The following RBMS1 variants were observed in gnomAD, a reference collection of about 807,000 sequenced individuals.
RBMS1 encodes the protein RNA-binding motif, single-stranded-interacting protein 1.
A neutral mutation model predicts 62.3 loss-of-function variants in RBMS1; 17 were observed. That is an observed-to-expected ratio of 0.27 (90% CI 0.19 to 0.41). RBMS1 has a LOEUF of 0.41. RBMS1 is among the 10% of genes least tolerant of loss of function. RBMS1 has a pLI of 1.00. For missense variants in RBMS1, 334 were observed against 504.5 expected, an observed-to-expected ratio of 0.66 and a Z score of 3.24; for synonymous variants, 172 against 170.0, an observed-to-expected ratio of 1.01 and a Z score of -0.09.
At chr2:160,397,848 T>C (rs1315047043) in intron 1 of RBMS1, among the ~76,000 whole-genome samples, 3 of 152,238 alleles carry the variant, frequency 2.0e-5, no homozygotes, top group Non-Finnish European at 4.4e-5. Context: ...TTTGTTCTCC[T>C]TGGCTTCTGT....
intron 1 of RBMS1, among the ~76,000 whole-genome samples, chr2:160,367,878 G>A (rs953169873): frequency 4.6e-5 from 7 of 152,156 alleles, no homozygotes; most frequent in African/African-American, 7.2e-5. Context: ...CAATAAGGAC[G>A]ATCTCACCTA....
At chr2:160,307,686 T>C (rs879432748) in intron 4 of RBMS1, among the ~76,000 whole-genome samples, 1 of 152,240 alleles carries the variant, frequency 6.6e-6, no homozygotes, top group Admixed American at 6.5e-5. Context: ...TTTTAAACTG[T>C]CCCTTTCTTA....
rs73000635 is a variant in RBMS1 at position 160,327,148 on chromosome 2, G to A, written c.252-8921C>T. ...TCACATTTTTTCAAGAGAAGATACAGACATCTACATACCTGATTTTTCATA... is the reference window on the plus strand; with the variant it reads ...TCACATTTTTTCAAGAGAAGATACAAACATCTACATACCTGATTTTTCATA... On this transcript the variant is annotated intron_variant, in intron 2 of 13. Coordinates refer to ENST00000348849, the MANE Select transcript of RBMS1 (RefSeq NM_016836.4). Among the ~76,000 whole-genome samples the A allele has an allele frequency of 4.4e-3, 671 of 152,284 alleles. 2 individuals carry two copies. The highest frequency in any genetic ancestry group is 0.016 in the African/African-American group (644 of 41,546).
At position 160,407,347 on chromosome 2, in the gene RBMS1, G is replaced by A. The variant is rs113052146; in HGVS notation, c.76-39956C>T. ...AGCAGTCCCCGCGGCCGCCTTCCTGGGAAACAAGGTCACCGCCCAGCCGGT... is the reference window on the plus strand; with the variant it reads ...AGCAGTCCCCGCGGCCGCCTTCCTGAGAAACAAGGTCACCGCCCAGCCGGT... On this transcript the variant is annotated intron_variant, in intron 1 of 13. Coordinates refer to ENST00000348849, the MANE Select transcript of RBMS1 (RefSeq NM_016836.4). The A allele has an allele frequency of 7.7e-3, 7,611 of 985,480 alleles. 378 individuals carry two copies. The African/African-American group carries it at 0.11, about 15-fold the overall frequency. 61.0% of individuals were successfully genotyped at this position (985,480 alleles called of 1,614,324 possible).
intron 1 of RBMS1, among the ~76,000 whole-genome samples, chr2:160,368,338 G>A (rs1277809025): frequency 6.6e-6 from 1 of 152,134 alleles, no homozygotes; most frequent in Non-Finnish European, 1.5e-5. Context: ...ACTAACTCAA[G>A]GACATCACTC....
chr2:160,379,009 C>A (rs1466659998), intron 1 of RBMS1, among the ~76,000 whole-genome samples: 3 of 152,150 alleles, frequency 2.0e-5, no homozygotes, highest in African/African-American at 7.2e-5. Flanking sequence ...TGTTTGAGAT[C>A]AGGAGTTCAA....
chr2:160,394,453 A>T (rs1695030792), intron 1 of RBMS1, among the ~76,000 whole-genome samples: 1 of 152,252 alleles, frequency 6.6e-6, no homozygotes, highest in Non-Finnish European at 1.5e-5. Context: ...TTTAGAGGAC[A>T]AAAGAATATT....
intron 1 of RBMS1, among the ~76,000 whole-genome samples, chr2:160,482,748 G>T (rs983047522): frequency 2.0e-5 from 3 of 152,096 alleles, no homozygotes; most frequent in South Asian, 4.1e-4. Flanking sequence ...AAACAAAAAT[G>T]ACCCATTTGC....
intron 1 of RBMS1, 29 bp downstream of exon 1, chr2:160,493,260 G>T (rs571570748): frequency 1.2e-6 from 2 of 1,606,052 alleles, no homozygotes; most frequent in Non-Finnish European, 1.7e-6. Context: ...CCCTCCTCCG[G>T]CCGTCACCTC....
At chr2:160,418,957 T>C (rs550808004) in intron 1 of RBMS1, among the ~76,000 whole-genome samples, 2 of 152,294 alleles carry the variant, frequency 1.3e-5, no homozygotes, top group South Asian at 4.1e-4. Context: ...ATATTAAAAA[T>C]GTATGCAAGT....
intron 4 of RBMS1, among the ~76,000 whole-genome samples, chr2:160,305,364 T>G: frequency 6.6e-6 from 1 of 152,186 alleles, no homozygotes; most frequent in Non-Finnish European, 1.5e-5. Context: ...TTACTGTACC[T>G]TTTCTATATT....
intron 1 of RBMS1, among the ~76,000 whole-genome samples, chr2:160,410,854 C>G (rs555971956): frequency 1.5e-4 from 23 of 152,332 alleles, no homozygotes; most frequent in African/African-American, 5.3e-4. Flanking sequence ...AGCGATTCTT[C>G]TGCCTCAGCC....
intron 1 of RBMS1, among the ~76,000 whole-genome samples, chr2:160,388,888 GGCCTTCCACA>G (rs1367249047): frequency 2.0e-5 from 3 of 152,236 alleles, no homozygotes; most frequent in Non-Finnish European, 4.4e-5. Flanking sequence ...CCTGGGGGGA[GGCCTTCCACA>G]GCATACACCC....
intron 1 of RBMS1, among the ~76,000 whole-genome samples, chr2:160,374,760 T>C (rs1693905214): frequency 6.6e-6 from 1 of 152,022 alleles, no homozygotes; most frequent in Non-Finnish European, 1.5e-5. Context: ...TGAAACCCTG[T>C]CTCTACTAAA....
rs1696541522 is a variant in RBMS1, at chr2:160,424,040, A to G, written c.76-56649T>C. ...GCCATTTCTTTTTTTTTTTTTTGAGACAGAGTCTCACTCTGTCGCCCAGGC... is the reference window on the plus strand; with the variant it reads ...GCCATTTCTTTTTTTTTTTTTTGAGGCAGAGTCTCACTCTGTCGCCCAGGC... On this transcript the variant is annotated intron_variant, in intron 1 of 13. Coordinates refer to ENST00000348849, the MANE Select transcript of RBMS1 (RefSeq NM_016836.4). 1.4e-5 allele frequency among the ~76,000 whole-genome samples: 2 copies of G among 147,678 alleles called. 1 individual carries two copies.
chr2:160,450,146 G>T (rs1683902958), intron 1 of RBMS1, among the ~76,000 whole-genome samples: 1 of 152,144 alleles, frequency 6.6e-6, no homozygotes, highest in African/African-American at 2.4e-5. Context: ...CTGTATACCA[G>T]GCACAGAGGA....
intron 1 of RBMS1, among the ~76,000 whole-genome samples, chr2:160,481,727 C>G (rs1685380998): frequency 6.6e-6 from 1 of 152,172 alleles, no homozygotes; most frequent in African/African-American, 2.4e-5. Flanking sequence ...AAGAGGATAT[C>G]TAATTGGCCA....
At chr2:160,418,084 A>G (rs1696276253) in intron 1 of RBMS1, among the ~76,000 whole-genome samples, 2 of 152,228 alleles carry the variant, frequency 1.3e-5, no homozygotes, top group Admixed American at 6.5e-5. Flanking sequence ...AATAAGAAAG[A>G]TGAAAGGGAG....
intron 1 of RBMS1, among the ~76,000 whole-genome samples, chr2:160,443,477 T>A (rs1683506214): frequency 6.6e-6 from 1 of 152,154 alleles, no homozygotes; most frequent in African/African-American, 2.4e-5. Context: ...TTGAATAGCC[T>A]GGGCCATCTC....
Sources: gnomAD v4.1 joint callset for allele counts (sites outside exome capture counted in the v4.1 genomes callset) on GRCh38, gnomAD v4.1.1 for gene constraint, MANE v1.5 for transcripts, NCBI Gene and HGNC (gene_info 2026-07-23, HGNC 2026-07-21) for gene names.